The following JPH2 variants were observed in gnomAD, a reference collection of about 807,000 sequenced individuals.
JPH2 encodes junctophilin 2, also known as junctophilin-2.
A neutral mutation model predicts 55.9 loss-of-function variants in JPH2; 38 were observed. That is an observed-to-expected ratio of 0.68 (90% CI 0.52 to 0.89). JPH2 has a LOEUF of 0.89. JPH2 is among the 40% of genes least tolerant of loss of function. The pLI, the probability that JPH2 is intolerant of heterozygous loss-of-function variation, is 0.00. For missense variants in JPH2, 964 were observed against 1,037.6 expected (o/e 0.93, Z 0.97); for synonymous variants, 480 against 472.4 (o/e 1.02, Z -0.21).
At chr20:44,114,740 G>A in intron 5 of JPH2, 42 bp downstream of exon 5, 1 of 1,453,632 alleles carries the variant, frequency 6.9e-7, no homozygotes, top group Non-Finnish European at 9.5e-7. Flanking sequence ...ACTCCCCAGG[G>A]GCTCCTGCCC....
At chr20:44,126,139 A>AGAGAGAGGGAGGGCGG (rs1204759690) in intron 2 of JPH2, among the ~76,000 whole-genome samples, 1 of 37,592 alleles carries the variant, frequency 2.7e-5, no homozygotes, top group Non-Finnish European at 4.9e-5. Context: ...AGAAAAAGAG[A>AGAGAGAGGGAGGGCGG]GAGGGAGGGA....
intron 2 of JPH2, among the ~76,000 whole-genome samples, chr20:44,135,982 T>A (rs1447852588): frequency 6.6e-6 from 1 of 152,226 alleles, no homozygotes; most frequent in Non-Finnish European, 1.5e-5. Context: ...AGCAGCCTTA[T>A]GAGAGAAATA....
At chr20:44,127,385 T>C (rs2072284609) in intron 2 of JPH2, among the ~76,000 whole-genome samples, 1 of 152,162 alleles carries the variant, frequency 6.6e-6, no homozygotes, top group Non-Finnish European at 1.5e-5. Flanking sequence ...TCTGCCAAAC[T>C]GGTCTTGAGA....
Position 44,160,425 on chromosome 20 carries a change from G to A in JPH2, c.380-18C>T, listed in dbSNP as rs559155501. ...GTACGTCCCTGCGGGCGAGGAGAGG[G>A]CGCGTCAGTAGGCGGCACGACGGGT... On this transcript the variant is annotated intron_variant, in intron 1 of 5. Transcript: ENST00000372980. This position sits in a 1 kb window ranked among gnomAD's most constrained non-coding sequence, Gnocchi z 4.9. 6.2e-7 allele frequency: 1 copy of A among 1,606,896 alleles called. No individual in the cohort carries two copies. Among genetic ancestry groups the A allele is most frequent in the East Asian group, 2.2e-5 (1 of 44,692 alleles).
rs564120502 is a variant in JPH2 at position 44,169,426 on chromosome 20, C to T, written c.380-9019G>A. ...AACTCCTGACCTCATGATCCGCCTG[C>T]CTTGGCCTCCCAAAGTGCTGGGATT... On this transcript the variant is annotated intron_variant, in intron 1 of 5. Transcript: ENST00000372980. Among the ~76,000 whole-genome samples the T allele has an allele frequency of 6.6e-5, 10 of 152,308 alleles. 1 individual carries two copies. The South Asian group carries it at 2.1e-3, about 32-fold the overall frequency.
At chr20:44,137,978 ATCTG>A (rs2072426585) in intron 2 of JPH2, among the ~76,000 whole-genome samples, 1 of 151,744 alleles carries the variant, frequency 6.6e-6, no homozygotes, top group South Asian at 2.1e-4. Context: ...TAGAAAGTGC[ATCTG>A]TAAAAAGAGA....
At chr20:44,162,781 T>TACGC (rs1192452736) in intron 1 of JPH2, among the ~76,000 whole-genome samples, 1 of 70,040 alleles carries the variant, frequency 1.4e-5, no homozygotes, top group African/African-American at 6.0e-5. Context: ...TATATATATA[T>TACGC]ATATATACAC....
chr20:44,120,702 A>G (rs1447415931), intron 2 of JPH2, among the ~76,000 whole-genome samples: 1 of 152,250 alleles, frequency 6.6e-6, no homozygotes, highest in East Asian at 1.9e-4. Context: ...TGGACCACAC[A>G]GAAAATACAC....
Position 44,115,971 on chromosome 20 carries a change from G to A in JPH2, c.1704C>T (p.Ser568=), listed in dbSNP as rs200892606. Residue 568 remains serine, a synonymous_variant, in exon 4 of 6, where the codon AGC becomes AGT. Coordinates refer to ENST00000372980, the MANE Select transcript of JPH2 (RefSeq NM_020433.5). ...PEVALYQGYH[S]YAVRTTPPEP... ...CGGGCGGCGTGGTGCGCACAGCATA[G>A]CTGTGGTAGCCCTGGTAAAGCGCCA... The A allele has an allele frequency of 2.7e-4, 429 of 1,576,722 alleles. 3 individuals are homozygous for A. Among genetic ancestry groups the A allele is most frequent in the Non-Finnish European group, 1.6e-4 (184 of 1,168,886 alleles).
At chr20:44,158,906 G>A (rs1474419087) in intron 2 of JPH2, among the ~76,000 whole-genome samples, 1 of 152,154 alleles carries the variant, frequency 6.6e-6, no homozygotes, top group African/African-American at 2.4e-5. Context: ...GGAAGCAGCT[G>A]AGTGAATGCA....
Position 44,130,407 on chromosome 20 carries a change from C to T in JPH2, c.1170-11784G>A, listed in dbSNP as rs976304914. On this transcript the variant is annotated intron_variant, in intron 2 of 5. Transcript: ENST00000372980. ...TCTGAGAGGGCCTGGGGCTGGGTTA[C>T]CAGCATGTTCCCCACATCCTTCACA... 1.9e-4 allele frequency among the ~76,000 whole-genome samples: 29 copies of T among 152,376 alleles called. 1 individual carries two copies. Among genetic ancestry groups the T allele is most frequent in the Admixed American group, 1.6e-3 (24 of 15,310 alleles).
intron 2 of JPH2, among the ~76,000 whole-genome samples, chr20:44,127,347 G>T (rs1377039863): frequency 6.6e-6 from 1 of 152,038 alleles, no homozygotes; most frequent in South Asian, 2.1e-4. Context: ...TGGGTCCTGT[G>T]GTAACTCTAT....
intron 1 of JPH2, among the ~76,000 whole-genome samples, chr20:44,167,241 A>G (rs1038524122): frequency 1.3e-5 from 2 of 152,168 alleles, no homozygotes; most frequent in Admixed American, 6.5e-5. Flanking sequence ...TTTGTTCACC[A>G]GAAGCCTCCC....
At position 44,109,580 on chromosome 20, in the gene JPH2, G is replaced by A. The variant is rs976246625; in HGVS notation, c.*3938C>T. ...TGTACCAGCAAGACAGGCTGAGAGAGTGAGGGAGTGGGAACTGGCCTCCAT... is the reference window on the plus strand; with the variant it reads ...TGTACCAGCAAGACAGGCTGAGAGAATGAGGGAGTGGGAACTGGCCTCCAT... On this transcript the variant is annotated 3_prime_UTR_variant, in exon 6 of 6. Transcript: ENST00000372980. Among the ~76,000 whole-genome samples the A allele has an allele frequency of 3.9e-5, 6 of 152,258 alleles. No individual in the cohort carries two copies. The highest frequency in any genetic ancestry group is 1.9e-4 in the East Asian group (1 of 5,206).
In JPH2 at chr20:44,159,938, G is replaced by T. The variant is rs1286994114; in HGVS notation, c.849C>A (p.Ile283=). 6.4e-7 allele frequency: 1 copy of T among 1,560,648 alleles called. No homozygotes were observed. Among genetic ancestry groups the T allele is most frequent in the Non-Finnish European group, 8.6e-7 (1 of 1,157,228 alleles). Residue 283 remains isoleucine (I), a synonymous_variant, in exon 2 of 6, where the codon ATC becomes ATA. Coordinates refer to ENST00000372980, the MANE Select transcript of JPH2 (RefSeq NM_020433.5). The surrounding 1 kb of genome is among the most constrained non-coding windows in gnomAD (Gnocchi z 5.7). ...ADEAAPFEAD[I]DATTTETYMG... ...TGTAGGTCTCGGTGGTGGTGGCGTCGATATCGGCCTCGAAGGGTGCGGCCT... is the reference window on the plus strand; with the variant it reads ...TGTAGGTCTCGGTGGTGGTGGCGTCTATATCGGCCTCGAAGGGTGCGGCCT...
rs1341184691 is a variant in JPH2 at position 44,159,998 on chromosome 20, G to A, written c.789C>T (p.Thr263=). The part of the protein sequence containing the change: ...LSSGASDAAS[T]ASLGEAAEGA... ...CCTCGGCGGCCTCTCCCAGGCTGGC[G>A]GTGGACGCGGCGTCGCTGGCGCCCG... The change falls in exon 2 of 6, where the codon ACC becomes ACT. Residue 263 remains threonine (T), a synonymous_variant. Transcript: ENST00000372980. The surrounding 1 kb of genome is among the most constrained non-coding windows in gnomAD (Gnocchi z 5.7). The A allele has an allele frequency of 6.3e-7, 1 of 1,581,506 alleles. No individual in the cohort carries two copies. The highest frequency in any genetic ancestry group is 8.5e-7 in the Non-Finnish European group (1 of 1,169,934).
At chr20:44,166,981 A>G (rs1447118113) in intron 1 of JPH2, among the ~76,000 whole-genome samples, 8 of 152,106 alleles carry the variant, frequency 5.3e-5, no homozygotes, top group Admixed American at 5.2e-4. Flanking sequence ...TGGACTGCTC[A>G]CCACTCACAC....
intron 1 of JPH2, among the ~76,000 whole-genome samples, chr20:44,178,148 T>C (rs187730000): frequency 6.6e-6 from 1 of 152,306 alleles, no homozygotes; most frequent in Admixed American, 6.5e-5. Flanking sequence ...GCCTCTACAC[T>C]TGATTTTCAA....
At chr20:44,144,289 C>T (rs1213949819) in intron 2 of JPH2, among the ~76,000 whole-genome samples, 1 of 152,134 alleles carries the variant, frequency 6.6e-6, no homozygotes, top group Non-Finnish European at 1.5e-5. Flanking sequence ...GCTGGCCTCA[C>T]CACGTTCTAC....
Sources: gnomAD v4.1 joint callset for allele counts (sites outside exome capture counted in the v4.1 genomes callset) on GRCh38, gnomAD v4.1.1 for gene constraint, Gnocchi (gnomAD v3.1) non-coding constraint, MANE v1.5 for transcripts, NCBI Gene and HGNC (gene_info 2026-07-23, HGNC 2026-07-21) for gene names.